The following VPS33A variants were observed in gnomAD, a reference collection of about 807,000 sequenced individuals.
VPS33A encodes VPS33A core subunit of CORVET and HOPS complexes.
In VPS33A, 32 loss-of-function variants were observed where a neutral mutation model predicts 71.8. The observed-to-expected ratio is 0.45, with a 90% CI of 0.34 to 0.60. VPS33A has a LOEUF of 0.60. Among genes scored for constraint, VPS33A ranks in the 20% least tolerant of loss-of-function variants. The pLI, the probability that VPS33A is intolerant of heterozygous loss-of-function variation, is 0.02. For synonymous variants in VPS33A, 311 were observed against 292.7 expected, an observed-to-expected ratio of 1.06 and a Z score of -0.64; for missense variants, 625 against 748.5, an observed-to-expected ratio of 0.84 and a Z score of 1.92.
chr12:122,237,306 T>C lies in VPS33A; in HGVS notation c.1302+1281A>G, dbSNP rs552133774. Reference sequence around the variant, plus strand: ...ACTGCGGAGTTAAGAACATGGGCGCTACACTCAAATTGCCTGGTTTACCAC... The same window carrying C: ...ACTGCGGAGTTAAGAACATGGGCGCCACACTCAAATTGCCTGGTTTACCAC... On this transcript the variant is annotated intron_variant, in intron 10 of 12. Transcript: ENST00000267199. 7.2e-5 allele frequency among the ~76,000 whole-genome samples: 11 copies of C among 152,298 alleles called. No homozygotes were observed. In the South Asian group the frequency reaches 2.1e-3, roughly 29 times the overall value.
chr12:122,250,286 CGCA>C (rs1358129918), intron 5 of VPS33A: 1 of 456,846 alleles, frequency 2.2e-6, no homozygotes, highest in Non-Finnish European at 3.9e-6. Flanking sequence ...TCTTGTGATT[CGCA>C]GTAGTTATGT....
rs1223239335 is a variant in VPS33A, at chr12:122,251,126, C to T, written c.484-27G>A. 3 of 1,564,680 alleles carry T rather than the reference C, an allele frequency of 1.9e-6. No homozygotes were observed. In the African/African-American group the frequency reaches 4.1e-5, roughly 21 times the overall value. On this transcript the variant is annotated intron_variant, in intron 4 of 12. Coordinates refer to ENST00000267199, the MANE Select transcript of VPS33A (RefSeq NM_022916.6). ...TGTGAGGGAAAAGGCCAATTATTGC[C>T]AGGCCATGGGGGCCTCCCAGGGGCC...
chr12:122,266,441 A>T lies in VPS33A; in HGVS notation c.-33T>A. 2 of 1,593,244 alleles carry T rather than the reference A, an allele frequency of 1.3e-6. No individual in the cohort carries two copies. Among genetic ancestry groups the T allele is most frequent in the Non-Finnish European group, 1.7e-6 (2 of 1,164,842 alleles). On this transcript the variant is annotated 5_prime_UTR_variant, in exon 1 of 13. It adds an upstream start codon to the 5' untranslated region. Transcript: ENST00000267199. The stretch of plus-strand genomic sequence containing the variant: ...CACCACCCCCTGCCCCACAACGCCA[A>T]CCGAGTCCGCCGGTTCCTACGGGAG...
At chr12:122,251,196 C>G (rs941383123) in intron 4 of VPS33A, 97 bp from the exon 5 acceptor site, 1 of 808,134 alleles carries the variant, frequency 1.2e-6, no homozygotes, top group Admixed American at 2.4e-5. Context: ...ACAATAAAAT[C>G]ATTTCCAGTT....
In VPS33A at chr12:122,261,358, C is replaced by A; in HGVS notation, c.386G>T (p.Gly129Val). ...CCTGTGAATAAAGGATCCCAAGACA[C>A]CCAGATCCTTCAACCGCTGTTCGCA... is the stretch of plus-strand genomic sequence containing the variant. ...LLCEQRLKDL[G>V]VLGSFIHREE... The change falls in exon 4 of 13, where the codon GGT (glycine) becomes GTT (valine). Residue 129 changes from glycine (G) to valine (V), a missense_variant. Coordinates refer to ENST00000267199, the MANE Select transcript of VPS33A (RefSeq NM_022916.6). 6.2e-7 allele frequency: 1 copy of A among 1,614,018 alleles called. No individual in the cohort carries two copies. The highest frequency in any genetic ancestry group is 1.1e-5 in the South Asian group (1 of 91,046).
In VPS33A at chr12:122,242,496, C is replaced by T; in HGVS notation, c.982G>A (p.Ala328Thr). The change falls in exon 8 of 13, where the codon GCT becomes ACT. Residue 328 changes from alanine (A) to threonine (T), a missense_variant. By Grantham distance (58) the Ala-to-Thr change is moderately conservative. Transcript: ENST00000267199. ...ISAAFEERHN[A>T]KTVGEIKQFV... ...TGCTTGATCTCCCCCACGGTCTTAGCATTGTGTCTTTCCTGAAATAAACAA... is the reference window on the plus strand; with the variant it reads ...TGCTTGATCTCCCCCACGGTCTTAGTATTGTGTCTTTCCTGAAATAAACAA... 6.2e-7 allele frequency: 1 copy of T among 1,611,158 alleles called. No homozygotes were observed. The highest frequency in any genetic ancestry group is 8.5e-7 in the Non-Finnish European group (1 of 1,177,568).
At chr12:122,232,655 C>G in intron 12 of VPS33A, 145 bp downstream of exon 12, 1 of 1,146,392 alleles carries the variant, frequency 8.7e-7, no homozygotes, top group Non-Finnish European at 1.2e-6. Flanking sequence ...GATTCGAGTT[C>G]TTACTACATA....
intron 10 of VPS33A, 100 bp from the exon 11 acceptor site, chr12:122,236,023 C>T (rs1954625717): frequency 7.0e-7 from 1 of 1,431,590 alleles, no homozygotes; most frequent in South Asian, 1.4e-5. Context: ...GTTTGTACTG[C>T]AGGACATGTT....
chr12:122,247,641 C>T (rs1269695678), intron 6 of VPS33A, among the ~76,000 whole-genome samples: 1 of 152,156 alleles, frequency 6.6e-6, no homozygotes, highest in African/African-American at 2.4e-5. Context: ...GTAAATTGCA[C>T]ATAATATAAA....
intron 10 of VPS33A, 24 bp downstream of exon 10, chr12:122,238,563 T>C (rs751567433): frequency 6.3e-7 from 1 of 1,591,844 alleles, no homozygotes; most frequent in South Asian, 1.1e-5. Context: ...CCTTGGCAAA[T>C]TAATAATTTA....
At chr12:122,233,153 T>G (rs563847269) in intron 11 of VPS33A, among the ~76,000 whole-genome samples, 185 bp from the exon 12 acceptor site, 18 of 152,200 alleles carry the variant, frequency 1.2e-4, no homozygotes, top group Admixed American at 1.1e-3. Flanking sequence ...GCTTCAATTT[T>G]GACTGAAATC....
chr12:122,244,828 A>G, intron 6 of VPS33A, 66 bp from the exon 7 acceptor site: 1 of 1,496,676 alleles, frequency 6.7e-7, no homozygotes, highest in East Asian at 2.3e-5. Flanking sequence ...CCGGTAACCA[A>G]GCACAAAACA....
At position 122,256,484 on chromosome 12, in the gene VPS33A, G is replaced by A. The variant is rs141367498; in HGVS notation, c.483+4777C>T. Among the ~76,000 whole-genome samples the A allele has an allele frequency of 8.3e-3, 1,257 of 152,128 alleles. 18 individuals are homozygous for A. Among genetic ancestry groups the A allele is most frequent in the South Asian group, 0.052 (249 of 4,824 alleles). On this transcript the variant is annotated intron_variant, in intron 4 of 12. Transcript: ENST00000267199. ...AGCTACTCGGATAGCTAAGACGGGAGAATTGCTTGAACTGGGGAGGTGGAA... is the reference window on the plus strand; with the variant it reads ...AGCTACTCGGATAGCTAAGACGGGAAAATTGCTTGAACTGGGGAGGTGGAA...
At position 122,244,605 on chromosome 12, in the gene VPS33A, G is replaced by A. The variant is rs1462964639; in HGVS notation, c.933C>T (p.Leu311=). 1 of 1,611,552 alleles carries A rather than the reference G, an allele frequency of 6.2e-7. No homozygotes were observed. ...CAGAGATGATCTTTGCTTTCTTGCTGAGCACAGAGCCAACTGCGTTGAAGT... is the reference window on the plus strand; with the variant it reads ...CAGAGATGATCTTTGCTTTCTTGCTAAGCACAGAGCCAACTGCGTTGAAGT... ...DKNFNAVGSV[L]SKKAKIISAA... Residue 311 remains leucine, a synonymous_variant, in exon 7 of 13, where the codon CTC becomes CTT. Coordinates refer to ENST00000267199, the MANE Select transcript of VPS33A (RefSeq NM_022916.6).
intron 7 of VPS33A, among the ~76,000 whole-genome samples, chr12:122,243,152 A>G (rs1330198745): frequency 6.6e-6 from 1 of 152,196 alleles, no homozygotes; most frequent in Non-Finnish European, 1.5e-5. Flanking sequence ...CAAATTTCTG[A>G]GTAAAAAACT....
At position 122,230,066 on chromosome 12, in the gene VPS33A, T is replaced by C. The variant is rs1241676325; in HGVS notation, c.*2180A>G. On this transcript the variant is annotated 3_prime_UTR_variant, in exon 13 of 13. Transcript: ENST00000267199. The stretch of plus-strand genomic sequence containing the variant: ...GCCTGAGGTGGAAGGTATAAACTAA[T>C]CTCCCTGGGATATAACAAGTATTTA... 1.3e-5 allele frequency: 2 copies of C among 152,238 alleles called. No individual in the cohort carries two copies. The highest frequency in any genetic ancestry group is 3.9e-4 in the East Asian group (2 of 5,184). 9.4% of individuals were successfully genotyped at this position (152,238 alleles called of 1,614,324 possible).
intron 1 of VPS33A, chr12:122,265,751 C>T (rs1955059806): frequency 2.2e-6 from 1 of 452,460 alleles, no homozygotes; most frequent in Non-Finnish European, 4.5e-6. Flanking sequence ...AGAGGTGACA[C>T]TGTTTAAAAG....
At chr12:122,250,186 A>ACGTCTCCGCCCGGCAGCCACCCCGTCCGG in intron 5 of VPS33A, 141 bp from the exon 6 acceptor site, 1 of 909,010 alleles carries the variant, frequency 1.1e-6, no homozygotes. Context: ...AAGCAGCTCT[A>ACGTCTCCGCCCGGCAGCCACCCCGTCCGG]GAAAAGCACC....
At chr12:122,251,864 G>C (rs886989677) in intron 4 of VPS33A, among the ~76,000 whole-genome samples, 4 of 150,638 alleles carry the variant, frequency 2.7e-5, no homozygotes, top group Non-Finnish European at 5.9e-5. Context: ...CATGGCACAT[G>C]TATACATATG....
Sources: allele counts gnomAD v4.1 joint callset (sites outside exome capture counted in the v4.1 genomes callset), GRCh38; gene constraint gnomAD v4.1.1; transcripts MANE v1.5; gene names NCBI Gene and HGNC (gene_info 2026-07-23, HGNC 2026-07-21).